Variants in PCSK2 observed in about 807,000 individuals in gnomAD.
The protein encoded by PCSK2 is proprotein convertase subtilisin/kexin type 2.
In PCSK2, 14 loss-of-function variants were observed where a neutral mutation model predicts 69.7. The ratio of observed to expected loss-of-function variants is 0.20; its 90% CI spans 0.13 to 0.31. The LOEUF (loss-of-function observed/expected upper bound fraction) is 0.31. Ranked by LOEUF, PCSK2 falls within the 10% of genes least tolerant of loss-of-function variation. The pLI is 1.00. For missense variants in PCSK2, 544 were observed against 842.5 expected (o/e 0.65, Z 4.39); for synonymous variants, 307 against 320.7 (o/e 0.96, Z 0.46).
intron 4 of PCSK2, among the ~76,000 whole-genome samples, chr20:17,365,116 A>G (rs2030547088): frequency 1.3e-5 from 2 of 152,148 alleles, no homozygotes; most frequent in Non-Finnish European, 2.9e-5. Context: ...ACAGAGATGT[A>G]TTTCTCACAC....
intron 7 of PCSK2, among the ~76,000 whole-genome samples, chr20:17,434,561 C>T (rs1445354166): frequency 2.6e-5 from 4 of 152,168 alleles, no homozygotes; most frequent in African/African-American, 9.7e-5. Flanking sequence ...CACATCCACT[C>T]TGAGGTTCTT....
chr20:17,291,072 G>A (rs1279702794), intron 2 of PCSK2, among the ~76,000 whole-genome samples: 1 of 151,854 alleles, frequency 6.6e-6, no homozygotes, highest in African/African-American at 2.4e-5. Context: ...GAGTTTAGGA[G>A]GGGACACTCA....
At chr20:17,253,333 A>T (rs1248326064) in intron 1 of PCSK2, among the ~76,000 whole-genome samples, 1 of 152,170 alleles carries the variant, frequency 6.6e-6, no homozygotes, top group East Asian at 1.9e-4. Context: ...CACCCTTAAA[A>T]TAAATCCTGG....
intron 1 of PCSK2, among the ~76,000 whole-genome samples, chr20:17,246,893 T>G (rs1986791396): frequency 6.6e-6 from 1 of 152,182 alleles, no homozygotes; most frequent in Non-Finnish European, 1.5e-5. Context: ...TGTTGATAAT[T>G]AAGAAATAAA....
chr20:17,245,807 T>C (rs1479126360), intron 1 of PCSK2, among the ~76,000 whole-genome samples: 1 of 152,184 alleles, frequency 6.6e-6, no homozygotes, highest in Non-Finnish European at 1.5e-5. Context: ...CAAATTGAGT[T>C]TGGCCAGCAC....
chr20:17,413,955 G>A (rs1257460203), intron 6 of PCSK2, among the ~76,000 whole-genome samples: 2 of 152,136 alleles, frequency 1.3e-5, no homozygotes, highest in Non-Finnish European at 2.9e-5. Context: ...CGAAATGAAG[G>A]CAGAAATAAA....
In PCSK2 at chr20:17,409,387, T is replaced by C. The variant is rs758907611; in HGVS notation, c.620+48T>C. Reference sequence around the variant, plus strand: ...TCTTTGACTTTAGGCTTTGGGGTTTTATTCTACTTTGTTTTGTTTCAGGCT... The same window carrying C: ...TCTTTGACTTTAGGCTTTGGGGTTTCATTCTACTTTGTTTTGTTTCAGGCT... On this transcript the variant is annotated intron_variant, in intron 6 of 11. Coordinates refer to ENST00000262545, the MANE Select transcript of PCSK2 (RefSeq NM_002594.5). 31 of 1,298,732 alleles carry C rather than the reference T, an allele frequency of 2.4e-5. No individual in the cohort carries two copies. The East Asian group carries it at 6.2e-4, about 26-fold the overall frequency. The allele number at this position is 1,298,732 out of a possible 1,614,324, so 80.5% of individuals were successfully genotyped here. A position where few individuals can be genotyped will look rare whatever the true frequency, so the allele number is the denominator to read the frequency against.
chr20:17,316,034 G>C (rs933464241), intron 2 of PCSK2, among the ~76,000 whole-genome samples: 1 of 152,212 alleles, frequency 6.6e-6, no homozygotes, highest in Non-Finnish European at 1.5e-5. Context: ...TGCCTCTCCA[G>C]TCAGGCCGCC....
chr20:17,318,557 G>A (rs1390269022), intron 2 of PCSK2, among the ~76,000 whole-genome samples: 1 of 152,204 alleles, frequency 6.6e-6, no homozygotes, highest in Non-Finnish European at 1.5e-5. Flanking sequence ...CAGCGTGGGA[G>A]TTGTTTTGGT....
At chr20:17,459,246 G>A (rs1425988990) in intron 10 of PCSK2, among the ~76,000 whole-genome samples, 1 of 152,218 alleles carries the variant, frequency 6.6e-6, no homozygotes, top group East Asian at 1.9e-4. Context: ...TTGCTCAGCA[G>A]TGCAAGAGAT....
chr20:17,302,812 G>C (rs1989129868), intron 2 of PCSK2, among the ~76,000 whole-genome samples: 1 of 152,140 alleles, frequency 6.6e-6, no homozygotes, highest in Non-Finnish European at 1.5e-5. Context: ...GAAAGCTTCA[G>C]ATCTCACCCT....
At position 17,324,241 on chromosome 20, in the gene PCSK2, C is replaced by T. The variant is rs547295063; in HGVS notation, c.283-34086C>T. 1.2e-4 allele frequency among the ~76,000 whole-genome samples: 18 copies of T among 152,226 alleles called. No individual in the cohort carries two copies. In the East Asian group the frequency reaches 3.1e-3, roughly 26 times the overall value. On this transcript the variant is annotated intron_variant, in intron 2 of 11. Transcript: ENST00000262545. Reference sequence around the variant, plus strand: ...TTTGTCTTGGGGTCTTCTGGAGAAGCTCAAATGATACCAGGCTATAACCAC... The same window carrying T: ...TTTGTCTTGGGGTCTTCTGGAGAAGTTCAAATGATACCAGGCTATAACCAC...
intron 2 of PCSK2, among the ~76,000 whole-genome samples, chr20:17,342,637 CT>C (rs112434595): frequency 0.011 from 1,579 of 144,286 alleles, 14 homozygotes; most frequent in African/African-American, 0.031. Context: ...CTTTAATAAA[CT>C]TTTTTTTTTT....
intron 1 of PCSK2, among the ~76,000 whole-genome samples, chr20:17,243,177 C>T (rs1291582331): frequency 2.0e-5 from 3 of 152,078 alleles, no homozygotes; most frequent in African/African-American, 7.2e-5. Flanking sequence ...TATTTCATTT[C>T]CAATGAGTTG....
At chr20:17,392,848 A>C (rs944666410) in intron 5 of PCSK2, among the ~76,000 whole-genome samples, 1 of 152,102 alleles carries the variant, frequency 6.6e-6, no homozygotes, top group Non-Finnish European at 1.5e-5. Flanking sequence ...GATAACTTTC[A>C]GTTTGGACGA....
At chr20:17,447,304 A>G (rs78356670) in intron 8 of PCSK2, among the ~76,000 whole-genome samples, 2,654 of 151,950 alleles carry the variant, frequency 0.017, 75 homozygotes, top group African/African-American at 0.061. Flanking sequence ...AGAAAAAAAC[A>G]TAGGCAAAGC....
At chr20:17,232,639 C>T (rs1224627882) in intron 1 of PCSK2, among the ~76,000 whole-genome samples, 2 of 152,084 alleles carry the variant, frequency 1.3e-5, no homozygotes, top group Non-Finnish European at 2.9e-5. Context: ...TTAATGATAT[C>T]GTAATGTCAC....
At position 17,370,090 on chromosome 20, in the gene PCSK2, G is replaced by A. The variant is rs577027989; in HGVS notation, c.543+813G>A. Among the ~76,000 whole-genome samples the A allele has an allele frequency of 8.5e-5, 13 of 152,274 alleles. No individual in the cohort carries two copies. The South Asian group carries it at 2.5e-3, about 29-fold the overall frequency. On this transcript the variant is annotated intron_variant, in intron 5 of 11. Coordinates refer to ENST00000262545, the MANE Select transcript of PCSK2 (RefSeq NM_002594.5). ...GCCCACAAGCCCTTTAAACAGAATC[G>A]ATCACTTATTTTAACCCCAGGGAGT...
At chr20:17,331,618 C>T (rs1393411464) in intron 2 of PCSK2, among the ~76,000 whole-genome samples, 1 of 152,122 alleles carries the variant, frequency 6.6e-6, no homozygotes, top group Admixed American at 6.5e-5. Context: ...TGACTGACCA[C>T]CAGAAAAACA....
Sources: gnomAD v4.1 joint callset for allele counts (sites outside exome capture counted in the v4.1 genomes callset) on GRCh38, gnomAD v4.1.1 for gene constraint, MANE v1.5 for transcripts, NCBI Gene and HGNC (gene_info 2026-07-23, HGNC 2026-07-21) for gene names.